BRD4: variants seen among roughly 807,000 people sequenced by gnomAD.
BRD4 encodes the protein bromodomain-containing protein 4.
BRD4 carries 16 observed loss-of-function variants against 142.1 expected under a neutral mutation model. The ratio of observed to expected loss-of-function variants is 0.11; its 90% CI spans 0.08 to 0.17. BRD4 has a LOEUF of 0.17. BRD4 is among the 10% of genes least tolerant of loss of function. The probability of loss-of-function intolerance (pLI) is 1.00; values close to 1 mark genes in which losing one functional copy is unlikely to be tolerated. For synonymous variants in BRD4, 833 were observed against 707.5 expected (o/e 1.18, Z -2.82); for missense variants, 1,424 against 1,810.9 (o/e 0.79, Z 3.88).
Position 15,238,215 on chromosome 19 carries a change from C to A in BRD4, c.*162G>T. ...CTGGCCGTAAGGCAGACAGGCTCTG[C>A]AATCCTCAGCTGCCCGTCAGGCCTG... On this transcript the variant is annotated 3_prime_UTR_variant, in exon 20 of 20. Coordinates refer to ENST00000679869, the MANE Select transcript of BRD4 (RefSeq NM_001379291.1). The surrounding 1 kb of genome is among the most constrained non-coding windows in gnomAD (Gnocchi z 7.2). 1 of 1,175,892 alleles carries A rather than the reference C, an allele frequency of 8.5e-7. No individual in the cohort carries two copies. The highest frequency in any genetic ancestry group is 1.2e-6 in the Non-Finnish European group (1 of 847,456). 72.8% of individuals were successfully genotyped at this position (1,175,892 alleles called of 1,614,324 possible).
At chr19:15,247,736 G>A (rs965412831) in intron 11 of BRD4, 3 of 232,972 alleles carry the variant, frequency 1.3e-5, no homozygotes, top group Non-Finnish European at 2.5e-5. Flanking sequence ...TCAGGCAGGC[G>A]GGACTGCAAC....
At chr19:15,245,305 G>C (rs2047275840) in intron 11 of BRD4, among the ~76,000 whole-genome samples, 1 of 152,102 alleles carries the variant, frequency 6.6e-6, no homozygotes, top group Non-Finnish European at 1.5e-5. Flanking sequence ...AAGGGAAGCA[G>C]AGAGGCTCAG....
chr19:15,322,707 A>G, intron 1 of BRD4, among the ~76,000 whole-genome samples: 1 of 150,292 alleles, frequency 6.7e-6, no homozygotes, highest in East Asian at 2.0e-4. Context: ...CAAAAAAAAA[A>G]AAAAAAAAAA....
At chr19:15,316,523 G>A (rs2048019795) in intron 1 of BRD4, among the ~76,000 whole-genome samples, 1 of 152,036 alleles carries the variant, frequency 6.6e-6, no homozygotes, top group African/African-American at 2.4e-5. Context: ...CCTGGGAGAC[G>A]GAGGTTGCAG....
rs529307948 is a variant in BRD4, at chr19:15,324,313, G to C, written c.-35+7977C>G. On this transcript the variant is annotated intron_variant, in intron 1 of 19. Coordinates refer to ENST00000679869, the MANE Select transcript of BRD4 (RefSeq NM_001379291.1). ...TCTCTTAATTTGAAGCTAATGCTTA[G>C]ATTATGTGACCAACCTCTAAAGAAA... 2.0e-5 allele frequency among the ~76,000 whole-genome samples: 3 copies of C among 152,342 alleles called. No individual in the cohort carries two copies. In the South Asian group the frequency reaches 6.2e-4, roughly 32 times the overall value.
At chr19:15,268,630 C>A (rs1185066240) in intron 3 of BRD4, among the ~76,000 whole-genome samples, 1 of 152,164 alleles carries the variant, frequency 6.6e-6, no homozygotes, top group Non-Finnish European at 1.5e-5. Context: ...GCTCAGGAAC[C>A]AAAATCCCAA....
chr19:15,260,938 G>T (rs533294462), intron 7 of BRD4, among the ~76,000 whole-genome samples: 1 of 152,208 alleles, frequency 6.6e-6, no homozygotes, highest in African/African-American at 2.4e-5. Flanking sequence ...ACACATCAGA[G>T]GGTGCTTTTT....
Position 15,254,837 on chromosome 19 carries a change from G to A in BRD4, c.2047+460C>T, listed in dbSNP as rs764980007. On this transcript the variant is annotated intron_variant, in intron 10 of 19. Coordinates refer to ENST00000679869, the MANE Select transcript of BRD4 (RefSeq NM_001379291.1). The stretch of plus-strand genomic sequence containing the variant: ...GGAAAGCCGTAGGCCAGGATGAGCT[G>A]TGTGACACAAAAGAGCTGCCTGGAA... 4.8e-4 allele frequency among the ~76,000 whole-genome samples: 73 copies of A among 152,186 alleles called. 1 individual carries two copies. The highest frequency in any genetic ancestry group is 9.4e-4 in the Non-Finnish European group (64 of 68,028).
chr19:15,241,663 T>A (rs2047238778), intron 14 of BRD4, among the ~76,000 whole-genome samples: 1 of 152,088 alleles, frequency 6.6e-6, no homozygotes, highest in Non-Finnish European at 1.5e-5. Flanking sequence ...CCCCTGTCTA[T>A]CACCCCCAAC....
intron 1 of BRD4, among the ~76,000 whole-genome samples, chr19:15,330,651 C>T (rs1481488900): frequency 1.3e-5 from 2 of 152,062 alleles, no homozygotes; most frequent in Non-Finnish European, 2.9e-5. Context: ...CCTGTAGTCC[C>T]AGCTACTCGA....
intron 6 of BRD4, 130 bp downstream of exon 6, chr19:15,264,274 G>A (rs1389241120): frequency 3.9e-6 from 5 of 1,292,040 alleles, no homozygotes; most frequent in Non-Finnish European, 5.3e-6. Flanking sequence ...TCTTCGAGTT[G>A]GCGGGAAAAA....
At chr19:15,259,204 C>T (rs922793081) in intron 7 of BRD4, among the ~76,000 whole-genome samples, 5 of 152,188 alleles carry the variant, frequency 3.3e-5, no homozygotes, top group African/African-American at 1.2e-4. Context: ...TGCCAAGCAG[C>T]AGGAAGCAGG....
At chr19:15,309,302 T>A (rs1309167204) in intron 1 of BRD4, among the ~76,000 whole-genome samples, 1 of 126,754 alleles carries the variant, frequency 7.9e-6, no homozygotes, top group Non-Finnish European at 1.6e-5. Flanking sequence ...TGTGCCACTG[T>A]ACTCCAGCCT....
intron 1 of BRD4, among the ~76,000 whole-genome samples, chr19:15,330,707 C>A (rs569445489): frequency 6.6e-6 from 1 of 152,266 alleles, no homozygotes; most frequent in South Asian, 2.1e-4. Context: ...GCAGAGGTTG[C>A]AGTGAGCCGA....
At chr19:15,262,539 A>AG (rs961227088) in intron 7 of BRD4, among the ~76,000 whole-genome samples, 3 of 141,662 alleles carry the variant, frequency 2.1e-5, no homozygotes, top group Admixed American at 6.8e-5. Context: ...AAAAAAAAAA[A>AG]AAAGAAAAAA....
rs569974923 is a variant in BRD4, at chr19:15,296,886, T to C, written c.-34-23753A>G. On this transcript the variant is annotated intron_variant, in intron 1 of 19. Coordinates refer to ENST00000679869, the MANE Select transcript of BRD4 (RefSeq NM_001379291.1). Reference sequence around the variant, plus strand: ...GGTTCTCTAGGCATATAACCCTTTCTGCCCACCTCTCATGGAGAGTAGGCT... The same window carrying C: ...GGTTCTCTAGGCATATAACCCTTTCCGCCCACCTCTCATGGAGAGTAGGCT... Among the ~76,000 whole-genome samples the C allele has an allele frequency of 9.2e-5, 14 of 152,316 alleles. No homozygotes were observed. In the East Asian group the frequency reaches 2.5e-3, roughly 27 times the overall value.
rs539315954 is a variant in BRD4, at chr19:15,309,014, CAACA to C, written c.-35+23272_-35+23275del. Among the ~76,000 whole-genome samples the C allele has an allele frequency of 7.6e-3, 1,146 of 150,994 alleles. 5 individuals are homozygous for C. Among genetic ancestry groups the C allele is most frequent in the African/African-American group, 0.014 (582 of 41,064 alleles). ...TGGGAGACAGAGCAAGACTCCATCT[CAACA>C]AACAAACAAACAAACAAACAAAAAT... On this transcript the variant is annotated intron_variant, in intron 1 of 19. Transcript: ENST00000679869.
intron 1 of BRD4, among the ~76,000 whole-genome samples, chr19:15,314,880 G>C (rs1020314498): frequency 6.6e-6 from 1 of 152,174 alleles, no homozygotes; most frequent in Non-Finnish European, 1.5e-5. Flanking sequence ...GTCTAGACCA[G>C]ACCTTGGAAG....
intron 1 of BRD4, among the ~76,000 whole-genome samples, chr19:15,278,816 T>A (rs1447640089): frequency 6.6e-6 from 1 of 152,078 alleles, no homozygotes; most frequent in East Asian, 1.9e-4. Flanking sequence ...CCCTCTAAAT[T>A]CATAGACCTC....
Sources: gnomAD v4.1 joint callset for allele counts (sites outside exome capture counted in the v4.1 genomes callset) on GRCh38, gnomAD v4.1.1 for gene constraint, Gnocchi (gnomAD v3.1) non-coding constraint, MANE v1.5 for transcripts, NCBI Gene and HGNC (gene_info 2026-07-23, HGNC 2026-07-21) for gene names.